Variants in VANGL2 observed in about 807,000 individuals in gnomAD.
The protein encoded by VANGL2 is vang-like protein 2.
In VANGL2, 14 loss-of-function variants were observed where a neutral mutation model predicts 50.2. That is an observed-to-expected ratio of 0.28 (90% CI 0.18 to 0.44). The LOEUF (loss-of-function observed/expected upper bound fraction) is 0.44, where lower values mean the gene tolerates loss of function less well. VANGL2 is among the 20% of genes least tolerant of loss of function. VANGL2 has a pLI of 1.00. For missense variants in VANGL2, 533 were observed against 701.5 expected (o/e 0.76, Z 2.71); for synonymous variants, 295 against 297.2 (o/e 0.99, Z 0.08).
At chr1:160,421,654 A>T (rs1455393671) in intron 6 of VANGL2, among the ~76,000 whole-genome samples, 1 of 152,230 alleles carries the variant, frequency 6.6e-6, no homozygotes, top group Non-Finnish European at 1.5e-5. Context: ...CCTAAAGGAC[A>T]GTCTTCTTTT....
At chr1:160,406,564 G>A (rs991407908) in intron 1 of VANGL2, among the ~76,000 whole-genome samples, 3 of 152,096 alleles carry the variant, frequency 2.0e-5, no homozygotes, top group East Asian at 1.9e-4. Context: ...ACCATGGCCC[G>A]TGGGGTCTTG....
intron 1 of VANGL2, among the ~76,000 whole-genome samples, chr1:160,411,177 GATAATCC>G (rs1428814969): frequency 2.0e-5 from 3 of 151,818 alleles, no homozygotes; most frequent in Non-Finnish European, 2.9e-5. Context: ...TTTAACCCCA[GATAATCC>G]ATGGTTGGTT....
chr1:160,409,030 G>A (rs1473378452), intron 1 of VANGL2, among the ~76,000 whole-genome samples: 1 of 152,228 alleles, frequency 6.6e-6, no homozygotes, highest in Non-Finnish European at 1.5e-5. Context: ...CACCCCTTTT[G>A]GGGATAGAGG....
chr1:160,405,856 G>C (rs1650641081), intron 1 of VANGL2, among the ~76,000 whole-genome samples: 1 of 152,160 alleles, frequency 6.6e-6, no homozygotes, highest in South Asian at 2.1e-4. Flanking sequence ...CATGTTGGTT[G>C]CTCTCTCAGG....
At chr1:160,402,886 ACT>A (rs766823311) in intron 1 of VANGL2, among the ~76,000 whole-genome samples, 32 of 151,258 alleles carry the variant, frequency 2.1e-4, no homozygotes, top group Non-Finnish European at 3.7e-4. Flanking sequence ...CCCATTGCAC[ACT>A]CTTTTTGCTG....
chr1:160,425,486 C>CTTT lies in VANGL2; in HGVS notation c.*116_*118dup, dbSNP rs5778163. ...TCCTGCCACCCTTCTTCTTCTTGCT[C>CTTT]TTTTTTTTTTACTTGAATTAACGCA... is the stretch of plus-strand genomic sequence containing the variant. On this transcript the variant is annotated 3_prime_UTR_variant, in exon 8 of 8. Coordinates refer to ENST00000368061, the MANE Select transcript of VANGL2 (RefSeq NM_020335.3). 96 of 782,626 alleles carry CTTT rather than the reference C, an allele frequency of 1.2e-4. No homozygotes were observed. Among genetic ancestry groups the CTTT allele is most frequent in the Middle Eastern group, 4.3e-4 (1 of 2,300 alleles). The allele number at this position is 782,626 out of a possible 1,614,324, so 48.5% of individuals were successfully genotyped here. A position where few individuals can be genotyped will look rare whatever the true frequency, so the allele number is the denominator to read the frequency against.
chr1:160,401,082 C>T (rs1455319304), intron 1 of VANGL2, among the ~76,000 whole-genome samples: 1 of 152,152 alleles, frequency 6.6e-6, no homozygotes, highest in Non-Finnish European at 1.5e-5. Flanking sequence ...GGAGTACCCC[C>T]CCCAACTTTG....
intron 1 of VANGL2, among the ~76,000 whole-genome samples, chr1:160,410,014 G>C (rs1255697845): frequency 1.3e-5 from 2 of 152,206 alleles, no homozygotes; most frequent in Non-Finnish European, 2.9e-5. Flanking sequence ...CCAGGCTCCT[G>C]AGTAGGAATC....
chr1:160,426,100 G>C lies in VANGL2; in HGVS notation c.*722G>C, dbSNP rs1391314123. On this transcript the variant is annotated 3_prime_UTR_variant, in exon 8 of 8. Coordinates refer to ENST00000368061, the MANE Select transcript of VANGL2 (RefSeq NM_020335.3). Reference sequence around the variant, plus strand: ...AACCCTCTGTGACCACTTTTCCAGGGACTTAGGGGAAGGTACCTTTCTTCC... The same window carrying C: ...AACCCTCTGTGACCACTTTTCCAGGCACTTAGGGGAAGGTACCTTTCTTCC... 1 of 152,220 alleles carries C rather than the reference G, an allele frequency of 6.6e-6. No homozygotes were observed. Among genetic ancestry groups the C allele is most frequent in the African/African-American group, 2.4e-5 (1 of 41,424 alleles). The allele number at this position is 152,220 out of a possible 1,614,324, so 9.4% of individuals were successfully genotyped here. A position where few individuals can be genotyped will look rare whatever the true frequency, so the allele number is the denominator to read the frequency against.
chr1:160,422,903 G>A (rs377055382), intron 6 of VANGL2, among the ~76,000 whole-genome samples: 122 of 132,914 alleles, frequency 9.2e-4, no homozygotes, highest in African/African-American at 3.4e-3. Context: ...CTGTATGTAT[G>A]CTTTTTTTTT....
chr1:160,416,547 G>A (rs892361547), intron 3 of VANGL2, among the ~76,000 whole-genome samples: 5 of 152,128 alleles, frequency 3.3e-5, no homozygotes, highest in African/African-American at 7.2e-5. Flanking sequence ...GTATGTGTGA[G>A]CAAAGCTGAG....
At chr1:160,411,608 C>T (rs1450180463) in intron 1 of VANGL2, among the ~76,000 whole-genome samples, 1 of 152,096 alleles carries the variant, frequency 6.6e-6, no homozygotes, top group Non-Finnish European at 1.5e-5. Flanking sequence ...TCATTTTTGG[C>T]ACCTGTGTTT....
intron 6 of VANGL2, among the ~76,000 whole-genome samples, chr1:160,422,217 A>G (rs553918759): frequency 1.1e-4 from 16 of 152,224 alleles, no homozygotes; most frequent in African/African-American, 3.9e-4. Flanking sequence ...CACCAACTCC[A>G]TTTCTGTGGC....
chr1:160,415,571 G>A, intron 1 of VANGL2, 77 bp from the exon 2 acceptor site: 1 of 519,234 alleles, frequency 1.9e-6, no homozygotes, highest in Non-Finnish European at 3.5e-6. Context: ...TGTGGCTGTT[G>A]TGTGCAGATG....
chr1:160,410,675 T>TACACACACAC (rs111892045), intron 1 of VANGL2, among the ~76,000 whole-genome samples: 1,565 of 143,328 alleles, frequency 0.011, 29 homozygotes, highest in African/African-American at 0.037. Context: ...ACCCCCCTTA[T>TACACACACAC]ACACACACAC....
chr1:160,410,675 T>TAC (rs111892045), intron 1 of VANGL2, among the ~76,000 whole-genome samples: 17,192 of 143,182 alleles, frequency 0.12, 1,176 homozygotes, highest in South Asian at 0.2. Context: ...ACCCCCCTTA[T>TAC]ACACACACAC....
intron 5 of VANGL2, 42 bp from the exon 6 acceptor site, chr1:160,421,010 A>C: frequency 1.2e-6 from 2 of 1,613,338 alleles, no homozygotes; most frequent in Non-Finnish European, 1.7e-6. Context: ...AAGAGAGGCC[A>C]CACTCTGATG....
intron 6 of VANGL2, among the ~76,000 whole-genome samples, chr1:160,422,284 G>A (rs1651300865): frequency 6.6e-6 from 1 of 152,218 alleles, no homozygotes; most frequent in Non-Finnish European, 1.5e-5. Context: ...AAGGAAACCA[G>A]TGATGTCCCT....
Position 160,419,010 on chromosome 1 carries a change from C to G in VANGL2, c.201C>G (p.Asn67Lys), listed in dbSNP as rs1488935328. ...ESTRGDERDD[N>K]WGETTTVVTG... ...CCCCCTTCTGCCTGTAGGATGACAA[C>G]TGGGGGGAAACGACGACAGTAGTAA... Residue 67 changes from asparagine to lysine, a missense_variant, in exon 4 of 8, where the codon AAC becomes AAG. Transcript: ENST00000368061. The surrounding 1 kb of genome is among the most constrained non-coding windows in gnomAD (Gnocchi z 5.8). The G allele has an allele frequency of 6.2e-7, 1 of 1,605,748 alleles. No homozygotes were observed. The highest frequency in any genetic ancestry group is 1.1e-5 in the South Asian group (1 of 90,296).
Sources: allele counts gnomAD v4.1 joint callset (sites outside exome capture counted in the v4.1 genomes callset), GRCh38; gene constraint gnomAD v4.1.1; non-coding constraint Gnocchi (gnomAD v3.1); transcripts MANE v1.5; gene names NCBI Gene and HGNC (gene_info 2026-07-23, HGNC 2026-07-21).